Variants in PCDH15 observed in about 807,000 individuals in gnomAD.
PCDH15 encodes the protein protocadherin-15.
PCDH15 carries 129 observed loss-of-function variants against 178.5 expected under a neutral mutation model. The observed-to-expected ratio is 0.72, with a 90% CI of 0.63 to 0.84. The LOEUF is 0.84. PCDH15 is among the 40% of genes least tolerant of loss of function. PCDH15 has a pLI of 0.00. For missense variants in PCDH15, 2,230 were observed against 2,099.9 expected, an observed-to-expected ratio of 1.06 and a Z score of -1.21; for synonymous variants, 800 against 732.0, an observed-to-expected ratio of 1.09 and a Z score of -1.50.
chr10:54,314,143 A>T (rs61334228), intron 8 of PCDH15, among the ~76,000 whole-genome samples: 1 of 144,074 alleles, frequency 6.9e-6, no homozygotes, highest in African/African-American at 2.8e-5. Context: ...ACACACACAC[A>T]CACACACACA....
chr10:55,365,004 T>A (rs1845321406), intron 2 of PCDH15, among the ~76,000 whole-genome samples: 1 of 152,196 alleles, frequency 6.6e-6, no homozygotes, highest in Non-Finnish European at 1.5e-5. Context: ...TTTCTGTCTT[T>A]CCATGTGTTT....
At chr10:55,167,331 G>T (rs1168307134) in intron 1 of PCDH15, among the ~76,000 whole-genome samples, 1 of 152,066 alleles carries the variant, frequency 6.6e-6, no homozygotes, top group East Asian at 1.9e-4. Context: ...GCCCAGGCTT[G>T]TCTCAAACTT....
Position 53,866,669 on chromosome 10 carries a change from C to T in PCDH15, c.3690G>A (p.Lys1230=), listed in dbSNP as rs1434765001. Residue 1230 remains lysine, a synonymous_variant, in exon 27 of 38, where the codon AAG becomes AAA. Transcript: ENST00000644397. The part of the protein sequence containing the change: ...FQVIATDDYG[K]GLSGKADVLV... ...GTACATCGGCTTTGCCGCTCAGTCC[C>T]TTCCCATAGTCGTCAGTTGCAATAA... The T allele has an allele frequency of 6.2e-7, 1 of 1,613,610 alleles. No homozygotes were observed. Among genetic ancestry groups the T allele is most frequent in the South Asian group, 1.1e-5 (1 of 91,070 alleles).
chr10:55,219,880 TCACACACACA>T (rs71461286), intron 1 of PCDH15, among the ~76,000 whole-genome samples: 4 of 144,058 alleles, frequency 2.8e-5, no homozygotes, highest in South Asian at 2.2e-4. Flanking sequence ...CTGATATCAG[TCACACACACA>T]CACACACACA....
At chr10:54,147,767 A>C (rs965737598) in intron 14 of PCDH15, among the ~76,000 whole-genome samples, 2 of 152,050 alleles carry the variant, frequency 1.3e-5, no homozygotes, top group East Asian at 1.9e-4. Flanking sequence ...TGTTCTTATA[A>C]ATAGCATTAT....
intron 1 of PCDH15, among the ~76,000 whole-genome samples, chr10:55,229,755 T>C (rs1248494936): frequency 1.3e-5 from 2 of 152,102 alleles, no homozygotes; most frequent in African/African-American, 4.8e-5. Flanking sequence ...CACTCTTTCA[T>C]GTAAATGAGA....
At chr10:55,374,692 TGAATACAAAAAGG>T (rs1244660591) in intron 2 of PCDH15, among the ~76,000 whole-genome samples, 1 of 151,954 alleles carries the variant, frequency 6.6e-6, no homozygotes, top group Non-Finnish European at 1.5e-5. Context: ...TTACTACCCA[TGAATACAAAAAGG>T]GATGAAATGA....
chr10:55,173,260 GA>G (rs1400187180), intron 1 of PCDH15, among the ~76,000 whole-genome samples: 2 of 151,072 alleles, frequency 1.3e-5, no homozygotes, highest in Non-Finnish European at 3.0e-5. Flanking sequence ...AAGTCATAGG[GA>G]GGGGAAGTGA....
intron 2 of PCDH15, among the ~76,000 whole-genome samples, chr10:55,487,655 T>G (rs954755287): frequency 6.6e-6 from 1 of 151,660 alleles, no homozygotes; most frequent in African/African-American, 2.4e-5. Context: ...AGTGCTACTA[T>G]GAAATTTGAT....
chr10:53,831,634 G>A, intron 29 of PCDH15, 101 bp from the exon 30 acceptor site: 1 of 839,756 alleles, frequency 1.2e-6, no homozygotes, highest in Non-Finnish European at 1.9e-6. Flanking sequence ...TTCTCTAATT[G>A]AAACACAAGC....
chr10:54,935,104 T>G, intron 2 of PCDH15, among the ~76,000 whole-genome samples: 1 of 144,786 alleles, frequency 6.9e-6, no homozygotes, highest in Non-Finnish European at 1.5e-5. Flanking sequence ...GGGGGAGGGA[T>G]AGCATTAGGA....
chr10:55,326,389 A>C (rs1261309801), intron 2 of PCDH15, among the ~76,000 whole-genome samples: 1 of 152,176 alleles, frequency 6.6e-6, no homozygotes, highest in East Asian at 1.9e-4. Flanking sequence ...ATAGCATGGA[A>C]TGCTGCACAG....
At chr10:55,018,884 T>C (rs1840254034) in intron 2 of PCDH15, among the ~76,000 whole-genome samples, 2 of 152,108 alleles carry the variant, frequency 1.3e-5, no homozygotes. Flanking sequence ...ATACTGTGGA[T>C]TTCTCTAGTG....
intron 6 of PCDH15, among the ~76,000 whole-genome samples, chr10:54,333,271 T>C (rs1940255404): frequency 6.6e-6 from 1 of 152,142 alleles, no homozygotes; most frequent in Non-Finnish European, 1.5e-5. Flanking sequence ...TTAGCACTTG[T>C]ATTCTATAAA....
intron 15 of PCDH15, among the ~76,000 whole-genome samples, chr10:54,093,658 T>C (rs1240552457): frequency 6.6e-6 from 1 of 152,176 alleles, no homozygotes; most frequent in African/African-American, 2.4e-5. Context: ...AAATAATTGC[T>C]TATAATGTGT....
intron 18 of PCDH15, among the ~76,000 whole-genome samples, chr10:54,045,681 C>G (rs1394523290): frequency 6.6e-6 from 1 of 151,652 alleles, no homozygotes; most frequent in African/African-American, 2.4e-5. Flanking sequence ...TATACTCCCA[C>G]CTCACTCCAC....
intron 15 of PCDH15, among the ~76,000 whole-genome samples, chr10:54,100,127 G>A (rs1476978763): frequency 1.3e-5 from 2 of 152,002 alleles, no homozygotes; most frequent in Admixed American, 1.3e-4. Flanking sequence ...CAGCACTTTG[G>A]GAGCCCAAGG....
At chr10:54,702,824 T>C (rs2095324230) in intron 1 of PCDH15, among the ~76,000 whole-genome samples, 1 of 151,968 alleles carries the variant, frequency 6.6e-6, no homozygotes, top group South Asian at 2.1e-4. Context: ...CCAAAAACAT[T>C]GAGAAGGAGC....
chr10:54,842,066 C>T (rs537864083), intron 3 of PCDH15, among the ~76,000 whole-genome samples: 3 of 151,844 alleles, frequency 2.0e-5, no homozygotes, highest in East Asian at 1.9e-4. Flanking sequence ...TTAGTTATAT[C>T]GAGGAACTTG....
Sources: gnomAD v4.1 joint callset for allele counts (sites outside exome capture counted in the v4.1 genomes callset) on GRCh38, gnomAD v4.1.1 for gene constraint, MANE v1.5 for transcripts, NCBI Gene and HGNC (gene_info 2026-07-23, HGNC 2026-07-21) for gene names.